DRC8: variants seen among roughly 807,000 people sequenced by gnomAD.
DRC8 encodes the protein dynein regulatory complex subunit 8, also known as dynein regulatory complex protein 8.
chr1:245,025,755 AC>A, the DRC8 span, among the ~76,000 whole-genome samples: 1 of 151,940 alleles, frequency 6.6e-6, no homozygotes, highest in African/African-American at 2.4e-5. Flanking sequence ...TGTGGGAGGG[AC>A]CCGGTAAGAG....
chr1:245,077,734 T>TA, the DRC8 span, among the ~76,000 whole-genome samples: 1 of 152,156 alleles, frequency 6.6e-6, no homozygotes, highest in Non-Finnish European at 1.5e-5. Flanking sequence ...CAAGCTGGAT[T>TA]AAAGATTTAA....
chr1:245,073,451 T>G, the DRC8 span, among the ~76,000 whole-genome samples: 1 of 152,134 alleles, frequency 6.6e-6, no homozygotes, highest in Non-Finnish European at 1.5e-5. Context: ...CATTAATTTT[T>G]AACACATATA....
the DRC8 span, among the ~76,000 whole-genome samples, chr1:244,986,254 C>G: frequency 6.6e-6 from 1 of 152,238 alleles, no homozygotes; most frequent in African/African-American, 2.4e-5. Context: ...CATGCCTGGT[C>G]TGATTTAAAT....
At chr1:245,051,991 C>G in the DRC8 span, among the ~76,000 whole-genome samples, 1 of 152,082 alleles carries the variant, frequency 6.6e-6, no homozygotes, top group Non-Finnish European at 1.5e-5. Context: ...ACCCAGTGAT[C>G]GTGCAGTTCA....
the DRC8 span, among the ~76,000 whole-genome samples, chr1:245,104,674 A>C: frequency 1.3e-5 from 2 of 152,134 alleles, no homozygotes; most frequent in African/African-American, 4.8e-5. Context: ...TCTAGACATC[A>C]CATCATTTCA....
chr1:245,006,304 GTTT>G, the DRC8 span, among the ~76,000 whole-genome samples: 10 of 150,830 alleles, frequency 6.6e-5, no homozygotes, highest in East Asian at 2.0e-3. Context: ...AGTGATGAGT[GTTT>G]ATTTATTTAT....
At chr1:244,998,067 A>G in the DRC8 span, among the ~76,000 whole-genome samples, 1 of 151,864 alleles carries the variant, frequency 6.6e-6, no homozygotes. Context: ...AGTGACCTTC[A>G]CTTCCACTTC....
the DRC8 span, among the ~76,000 whole-genome samples, chr1:245,014,832 C>T: frequency 4.0e-5 from 6 of 151,880 alleles, no homozygotes; most frequent in Admixed American, 2.0e-4. Context: ...CAGTACCTGA[C>T]GTAGAACCTG....
the DRC8 span, among the ~76,000 whole-genome samples, chr1:245,018,887 A>G: frequency 2.0e-5 from 3 of 152,164 alleles, no homozygotes; most frequent in Admixed American, 1.3e-4. Flanking sequence ...CGTTTGCTCC[A>G]TGTCACACCA....
the DRC8 span, among the ~76,000 whole-genome samples, chr1:245,038,515 A>G: frequency 6.6e-6 from 1 of 152,202 alleles, no homozygotes; most frequent in Non-Finnish European, 1.5e-5. Context: ...TGATATTAAA[A>G]CATACTACAA....
At chr1:245,077,868 A>C in the DRC8 span, among the ~76,000 whole-genome samples, 1 of 152,222 alleles carries the variant, frequency 6.6e-6, no homozygotes, top group African/African-American at 2.4e-5. Context: ...AAAATAAACA[A>C]GTGGCACTAC....
At chr1:245,100,395 G>GTAATAATAATAATAATAATAATAA in the DRC8 span, among the ~76,000 whole-genome samples, 1,077 of 149,270 alleles carry the variant, frequency 7.2e-3, 15 homozygotes, top group African/African-American at 0.026. Flanking sequence ...AAAAGTAGTA[G>GTAATAATAATAATAATAATAATAA]TAATAATAAT....
At chr1:245,064,521 CT>C in the DRC8 span, among the ~76,000 whole-genome samples, 1 of 152,192 alleles carries the variant, frequency 6.6e-6, no homozygotes, top group Non-Finnish European at 1.5e-5. Flanking sequence ...CTGGGTTGGA[CT>C]TCTTTCTATC....
At chr1:245,119,723 G>A in the DRC8 span, among the ~76,000 whole-genome samples, 2 of 151,858 alleles carry the variant, frequency 1.3e-5, no homozygotes, top group Non-Finnish European at 2.9e-5. Context: ...CACAAGGTCA[G>A]GAGATCAAGA....
the DRC8 span, among the ~76,000 whole-genome samples, chr1:245,081,500 G>A: frequency 1.3e-5 from 2 of 151,136 alleles, no homozygotes; most frequent in Non-Finnish European, 2.9e-5. Flanking sequence ...ATGGAGTCTC[G>A]CTCTGTTGCC....
the DRC8 span, chr1:245,002,238 G>T: frequency 7.5e-6 from 12 of 1,598,608 alleles, no homozygotes; most frequent in African/African-American, 1.5e-4. Flanking sequence ...ACAGGGTACA[G>T]TGCATTCATA....
At chr1:245,009,629 G>A in the DRC8 span, among the ~76,000 whole-genome samples, 2 of 150,896 alleles carry the variant, frequency 1.3e-5, no homozygotes, top group African/African-American at 2.4e-5. Context: ...CATCATGCCC[G>A]GCTAATTTTT....
chr1:245,106,624 C>T, the DRC8 span, among the ~76,000 whole-genome samples: 3 of 152,200 alleles, frequency 2.0e-5, no homozygotes, highest in African/African-American at 7.2e-5. Context: ...TGTCATTCAT[C>T]GATATGAACT....
At chr1:245,116,771 T>G in the DRC8 span, among the ~76,000 whole-genome samples, 4 of 152,192 alleles carry the variant, frequency 2.6e-5, no homozygotes, top group Non-Finnish European at 5.9e-5. Flanking sequence ...GTAGAAATAT[T>G]TTATCAACTA....
Sources: allele counts gnomAD v4.1 joint callset (sites outside exome capture counted in the v4.1 genomes callset), GRCh38; gene constraint gnomAD v4.1.1; transcripts MANE v1.5; gene names NCBI Gene and HGNC (gene_info 2026-07-23, HGNC 2026-07-21).